ST3GAL1: variants seen among roughly 807,000 people sequenced by gnomAD.
ST3GAL1 encodes ST3 beta-galactoside alpha-2,3-sialyltransferase 1, also known as CMP-N-acetylneuraminate-beta-galactosamide-alpha-2,3-sialyltransferase 1.
Under a neutral mutation model 34.1 loss-of-function variants are expected in ST3GAL1, and 16 were observed. That is an observed-to-expected ratio of 0.47 (90% CI 0.32 to 0.71). The LOEUF (loss-of-function observed/expected upper bound fraction) is 0.71. Ranked by LOEUF, ST3GAL1 falls within the 30% of genes least tolerant of loss-of-function variation. ST3GAL1 has a pLI of 0.04. For missense variants in ST3GAL1, 353 were observed against 447.4 expected (o/e 0.79, Z 1.90); for synonymous variants, 191 against 184.7 (o/e 1.03, Z -0.28).
chr8:133,498,707 T>G (rs1028792226), intron 3 of ST3GAL1, among the ~76,000 whole-genome samples: 23 of 152,314 alleles, frequency 1.5e-4, no homozygotes, highest in African/African-American at 4.8e-5. Flanking sequence ...CCTGCCGGGC[T>G]CCTCTGTGGC....
At chr8:133,514,690 T>C (rs747180282) in intron 2 of ST3GAL1, among the ~76,000 whole-genome samples, 4 of 152,144 alleles carry the variant, frequency 2.6e-5, no homozygotes, top group Non-Finnish European at 4.4e-5. Context: ...CCTTGACTTC[T>C]GAGCAAATGA....
intron 2 of ST3GAL1, among the ~76,000 whole-genome samples, chr8:133,504,152 C>A (rs1228664108): frequency 2.6e-5 from 4 of 152,188 alleles, no homozygotes; most frequent in Non-Finnish European, 5.9e-5. Context: ...CTCTCCCCCT[C>A]CTCCAGTCCT....
intron 1 of ST3GAL1, among the ~76,000 whole-genome samples, chr8:133,567,918 T>C (rs1401349): frequency 0.69 from 102,320 of 149,114 alleles, 36,426 homozygotes; most frequent in African/African-American, 0.88. Flanking sequence ...TCTAAAGCCT[T>C]GCTCTCTTTT....
intron 1 of ST3GAL1, among the ~76,000 whole-genome samples, chr8:133,566,224 T>C (rs779486839): frequency 2.6e-5 from 4 of 152,132 alleles, no homozygotes; most frequent in Non-Finnish European, 5.9e-5. Flanking sequence ...ACACAACCCA[T>C]AGGAATGAGA....
rs2131096200 is a variant in ST3GAL1 at position 133,556,177 on chromosome 8, T to C, written c.-581-10251A>G. Reference sequence around the variant, plus strand: ...TCCCAAAGTGCTAGGATTGCAGGCATGAGCCACCATGCCCAGCTTGTTTTT... The same window carrying C: ...TCCCAAAGTGCTAGGATTGCAGGCACGAGCCACCATGCCCAGCTTGTTTTT... On this transcript the variant is annotated intron_variant, in intron 1 of 9. Transcript: ENST00000522652. The surrounding 1 kb of genome is among the most constrained non-coding windows in gnomAD (Gnocchi z 8.9). Among the ~76,000 whole-genome samples the C allele has an allele frequency of 6.6e-6, 1 of 152,312 alleles. No homozygotes were observed. The highest frequency in any genetic ancestry group is 1.9e-4 in the East Asian group (1 of 5,188).
rs143714358 is a variant in ST3GAL1, at chr8:133,545,837, A to G, written c.-492T>C. On this transcript the variant is annotated 5_prime_UTR_variant, in exon 2 of 10. Coordinates refer to ENST00000522652, the MANE Select transcript of ST3GAL1 (RefSeq NM_173344.3). Reference sequence around the variant, plus strand: ...ATGGAATTGTCCTGACCCAAGCTCAATGCATTTGCTCACTGCAGCTCTTGG... The same window carrying G: ...ATGGAATTGTCCTGACCCAAGCTCAGTGCATTTGCTCACTGCAGCTCTTGG... The G allele has an allele frequency of 6.6e-6, 1 of 152,340 alleles. No homozygotes were observed. Among genetic ancestry groups the G allele is most frequent in the Non-Finnish European group, 1.5e-5 (1 of 68,020 alleles). The allele number at this position is 152,340 out of a possible 1,614,324, so 9.4% of individuals were successfully genotyped here. A position where few individuals can be genotyped will look rare whatever the true frequency, so the allele number is the denominator to read the frequency against.
intron 3 of ST3GAL1, among the ~76,000 whole-genome samples, chr8:133,481,668 G>C (rs1322301146): frequency 6.6e-6 from 1 of 151,928 alleles, no homozygotes; most frequent in Non-Finnish European, 1.5e-5. Flanking sequence ...GCTAATTTTT[G>C]TATTTTTAGT....
In ST3GAL1 at chr8:133,457,647, A is replaced by G. The variant is rs550729776; in HGVS notation, c.*2117T>C. On this transcript the variant is annotated 3_prime_UTR_variant, in exon 10 of 10. Transcript: ENST00000522652. The stretch of plus-strand genomic sequence containing the variant: ...TTTCGGTTTGTTTAACACATTCCCC[A>G]TTCTGAACCTTTGAGAATCTAATAA... 1 of 152,388 alleles carries G rather than the reference A, an allele frequency of 6.6e-6. No homozygotes were observed. Among genetic ancestry groups the G allele is most frequent in the East Asian group, 1.9e-4 (1 of 5,188 alleles). The allele number at this position is 152,388 out of a possible 1,614,324, so 9.4% of individuals were successfully genotyped here.
intron 3 of ST3GAL1, among the ~76,000 whole-genome samples, chr8:133,496,413 G>A (rs1816947356): frequency 6.6e-6 from 1 of 152,124 alleles, no homozygotes; most frequent in African/African-American, 2.4e-5. Flanking sequence ...TCCTTCCTAG[G>A]ACATCTCTTT....
chr8:133,458,118 G>A lies in ST3GAL1; in HGVS notation c.*1646C>T, dbSNP rs28687047. On this transcript the variant is annotated 3_prime_UTR_variant, in exon 10 of 10. Transcript: ENST00000522652. ...GAAGAAGGAAGGTTGGGTTGGGACG[G>A]GAGGATGCTGAGGACATTCCACAAA... is the stretch of plus-strand genomic sequence containing the variant. The A allele has an allele frequency of 0.18, 27,669 of 151,926 alleles. 2,756 individuals carry two copies. The highest frequency in any genetic ancestry group is 0.22 in the Non-Finnish European group (15,234 of 67,982). The allele number at this position is 151,926 out of a possible 1,614,324, so 9.4% of individuals were successfully genotyped here. A position where few individuals can be genotyped will look rare whatever the true frequency, so the allele number is the denominator to read the frequency against.
At chr8:133,544,232 T>C (rs1391967662) in intron 2 of ST3GAL1, 1 of 152,304 alleles carries the variant, frequency 6.6e-6, no homozygotes, top group Non-Finnish European at 1.5e-5. Flanking sequence ...TGCATCTCAA[T>C]GATCAGCCCT....
At chr8:133,539,087 C>A (rs1411872915) in intron 2 of ST3GAL1, among the ~76,000 whole-genome samples, 2 of 152,328 alleles carry the variant, frequency 1.3e-5, no homozygotes, top group East Asian at 3.9e-4. Context: ...AACACTCCCC[C>A]AGCCCCAGGA....
Position 133,478,078 on chromosome 8 carries a change from C to T in ST3GAL1, c.-373-1478G>A, listed in dbSNP as rs568652293. Among the ~76,000 whole-genome samples, 10 of 152,276 alleles carry T rather than the reference C, an allele frequency of 6.6e-5. No homozygotes were observed. In the East Asian group the frequency reaches 1.9e-3, roughly 29 times the overall value. On this transcript the variant is annotated intron_variant, in intron 3 of 9. Coordinates refer to ENST00000522652, the MANE Select transcript of ST3GAL1 (RefSeq NM_173344.3). The stretch of plus-strand genomic sequence containing the variant: ...CTCAGTTGGCAACGTCATTTTTATC[C>T]GGTCTCTGCTCCAGTTTTCACTTTT...
intron 2 of ST3GAL1, among the ~76,000 whole-genome samples, chr8:133,534,717 C>T (rs1212823347): frequency 6.6e-6 from 1 of 152,208 alleles, no homozygotes; most frequent in African/African-American, 2.4e-5. Context: ...CCCAAGGGGG[C>T]CCAGGCATGT....
chr8:133,477,042 G>A (rs778105770), intron 3 of ST3GAL1, among the ~76,000 whole-genome samples: 2 of 152,170 alleles, frequency 1.3e-5, no homozygotes, highest in African/African-American at 4.8e-5. Context: ...CCTTTTACCT[G>A]GGCATTCAAG....
At chr8:133,525,945 G>A (rs1266215998) in intron 2 of ST3GAL1, among the ~76,000 whole-genome samples, 1 of 152,218 alleles carries the variant, frequency 6.6e-6, no homozygotes, top group Non-Finnish European at 1.5e-5. Context: ...AGCTGCAGCT[G>A]TGCCTGGGAG....
rs752424337 is a variant in ST3GAL1 at position 133,461,916 on chromosome 8, C to T, written c.808G>A (p.Gly270Ser). Residue 270 changes from glycine (G) to serine (S), a missense_variant, in exon 9 of 10, where the codon GGC becomes AGC. Coordinates refer to ENST00000522652, the MANE Select transcript of ST3GAL1 (RefSeq NM_173344.3). The surrounding 1 kb of genome is among the most constrained non-coding windows in gnomAD (Gnocchi z 4.7). The stretch of plus-strand genomic sequence containing the variant: ...ATTGAGAAGATGACCGAGAGGATGC[C>T]GGTAGATGGGTATCGCCCGTGCCCT... ...LQGHGRYPST[G>S]ILSVIFSMHV... 1.9e-6 allele frequency: 3 copies of T among 1,613,930 alleles called. No individual in the cohort carries two copies. The highest frequency in any genetic ancestry group is 1.3e-5 in the African/African-American group (1 of 74,894).
rs550126048 is a variant in ST3GAL1 at position 133,459,501 on chromosome 8, C to A, written c.*263G>T. The A allele has an allele frequency of 8.5e-6, 3 of 352,108 alleles. No homozygotes were observed. Among genetic ancestry groups the A allele is most frequent in the East Asian group, 4.5e-5 (1 of 22,228 alleles). 21.8% of individuals were successfully genotyped at this position (352,108 alleles called of 1,614,324 possible). On this transcript the variant is annotated 3_prime_UTR_variant, in exon 10 of 10. Transcript: ENST00000522652. This position sits in a 1 kb window ranked among gnomAD's most constrained non-coding sequence, Gnocchi z 4.7. ...TGTGTGGAGGTTGAACCTTTCCCAG[C>A]GTCTCCCCAGCTCTAGGGCAGCAGT...
At chr8:133,541,070 CATATATATAGACAT>C (rs1452555091) in intron 2 of ST3GAL1, among the ~76,000 whole-genome samples, 3 of 41,684 alleles carry the variant, frequency 7.2e-5, no homozygotes, top group Non-Finnish European at 1.3e-4. Context: ...TATATATAGA[CATATATATAGACAT>C]ATATATATAA....
Sources: gnomAD v4.1 joint callset for allele counts (sites outside exome capture counted in the v4.1 genomes callset) on GRCh38, gnomAD v4.1.1 for gene constraint, Gnocchi (gnomAD v3.1) non-coding constraint, MANE v1.5 for transcripts, NCBI Gene and HGNC (gene_info 2026-07-23, HGNC 2026-07-21) for gene names.